DGKB: variants seen among roughly 807,000 people sequenced by gnomAD.
The protein encoded by DGKB is diacylglycerol kinase beta.
Under a neutral mutation model 114.3 loss-of-function variants are expected in DGKB, and 67 were observed. The observed-to-expected ratio is 0.59, with a 90% CI of 0.48 to 0.72. The LOEUF (loss-of-function observed/expected upper bound fraction) is 0.72, where lower values mean the gene tolerates loss of function less well. DGKB is among the 30% of genes least tolerant of loss of function. DGKB has a pLI of 0.00. For missense variants in DGKB, 907 were observed against 975.2 expected, an observed-to-expected ratio of 0.93 and a Z score of 0.93; for synonymous variants, 398 against 323.1, an observed-to-expected ratio of 1.23 and a Z score of -2.49.
chr7:14,653,774 G>T (rs1815168633), intron 13 of DGKB, among the ~76,000 whole-genome samples: 1 of 151,866 alleles, frequency 6.6e-6, no homozygotes, highest in Non-Finnish European at 1.5e-5. Flanking sequence ...AAAGGAAAAA[G>T]TCTTACGATC....
chr7:14,275,870 T>C (rs889905428), intron 23 of DGKB, among the ~76,000 whole-genome samples: 22 of 152,348 alleles, frequency 1.4e-4, no homozygotes, highest in African/African-American at 4.8e-4. Flanking sequence ...CAGAATAAGC[T>C]GTCATTTAGT....
chr7:14,807,042 C>A (rs1842866637), intron 2 of DGKB, among the ~76,000 whole-genome samples: 1 of 151,440 alleles, frequency 6.6e-6, no homozygotes, highest in Non-Finnish European at 1.5e-5. Context: ...CAAGGAAGTT[C>A]TTGGAGAAAA....
chr7:14,539,856 C>T (rs1793131936), intron 20 of DGKB, among the ~76,000 whole-genome samples: 1 of 152,098 alleles, frequency 6.6e-6, no homozygotes, highest in African/African-American at 2.4e-5. Context: ...GTAACCACTT[C>T]AGGGTATAAT....
intron 2 of DGKB, among the ~76,000 whole-genome samples, chr7:14,827,816 A>T (rs1397017542): frequency 6.6e-6 from 1 of 152,094 alleles, no homozygotes; most frequent in Non-Finnish European, 1.5e-5. Context: ...CTTCTGCTAC[A>T]TGTCACTAGG....
intron 23 of DGKB, among the ~76,000 whole-genome samples, chr7:14,201,806 A>G (rs1785935215): frequency 6.6e-6 from 1 of 151,970 alleles, no homozygotes; most frequent in Admixed American, 6.6e-5. Context: ...AATAAGAATC[A>G]TATATCATGT....
At chr7:14,824,368 C>T (rs1319778487) in intron 2 of DGKB, among the ~76,000 whole-genome samples, 2 of 151,954 alleles carry the variant, frequency 1.3e-5, no homozygotes, top group East Asian at 1.9e-4. Context: ...TTTGTTCTGT[C>T]TGGCTTTAGA....
intron 21 of DGKB, 86 bp from the exon 22 acceptor site, chr7:14,345,477 A>G (rs1410634662): frequency 4.4e-6 from 3 of 677,068 alleles, no homozygotes; most frequent in Non-Finnish European, 7.5e-6. Flanking sequence ...GTCTTGTGTT[A>G]TAATAGAAAA....
chr7:14,172,783 GT>G (rs1179137768), intron 25 of DGKB, among the ~76,000 whole-genome samples: 1 of 152,074 alleles, frequency 6.6e-6, no homozygotes, highest in African/African-American at 2.4e-5. Context: ...AGGGGTGCTG[GT>G]TGTACAGATA....
intron 23 of DGKB, among the ~76,000 whole-genome samples, chr7:14,301,700 C>T (rs754809778): frequency 6.6e-6 from 1 of 152,104 alleles, no homozygotes. Context: ...TACACACACA[C>T]ACATACACAC....
chr7:14,711,621 T>C (rs1827362125), intron 6 of DGKB, among the ~76,000 whole-genome samples: 1 of 152,168 alleles, frequency 6.6e-6, no homozygotes. Context: ...CACATGTATA[T>C]TGACTTAGAG....
At chr7:14,297,828 C>T (rs796394111) in intron 23 of DGKB, among the ~76,000 whole-genome samples, 17 of 152,254 alleles carry the variant, frequency 1.1e-4, no homozygotes, top group African/African-American at 4.1e-4. Flanking sequence ...CCCCAAATCT[C>T]CTTAAGCTGA....
intron 23 of DGKB, chr7:14,209,398 A>G (rs1787383248): frequency 6.4e-6 from 3 of 468,532 alleles, no homozygotes; most frequent in African/African-American, 4.0e-5. Flanking sequence ...TAAAAACAAG[A>G]TCAAAACATT....
intron 20 of DGKB, among the ~76,000 whole-genome samples, chr7:14,503,431 T>G (rs74743971): frequency 2.5e-4 from 38 of 152,286 alleles, no homozygotes; most frequent in Non-Finnish European, 4.9e-4. Flanking sequence ...TTCTATTACC[T>G]TATTTTTTAC....
intron 24 of DGKB, among the ~76,000 whole-genome samples, chr7:14,177,260 C>T (rs554597397): frequency 6.6e-6 from 1 of 152,116 alleles, no homozygotes; most frequent in Non-Finnish European, 1.5e-5. Flanking sequence ...TCTCCCAGTT[C>T]TTCTAGCACC....
At chr7:14,681,977 T>C (rs1287846001) in intron 12 of DGKB, among the ~76,000 whole-genome samples, 8 of 152,238 alleles carry the variant, frequency 5.3e-5, no homozygotes, top group Middle Eastern at 3.4e-3. Flanking sequence ...GATGAATTTT[T>C]AGATGCATCA....
intron 2 of DGKB, among the ~76,000 whole-genome samples, chr7:14,770,706 C>T (rs1289969865): frequency 6.6e-6 from 1 of 152,074 alleles, no homozygotes; most frequent in African/African-American, 2.4e-5. Flanking sequence ...TTTATGCCTC[C>T]TAGCACCACT....
At chr7:14,430,993 A>G (rs958175618) in intron 21 of DGKB, among the ~76,000 whole-genome samples, 6 of 151,940 alleles carry the variant, frequency 3.9e-5, no homozygotes, top group Non-Finnish European at 8.8e-5. Context: ...CTGAAGTATC[A>G]TTTTCCTGTG....
intron 21 of DGKB, among the ~76,000 whole-genome samples, chr7:14,474,551 C>G (rs185682659): frequency 6.6e-6 from 1 of 152,180 alleles, no homozygotes; most frequent in Non-Finnish European, 1.5e-5. Flanking sequence ...GAATTCCACA[C>G]TGCTTTGCAT....
chr7:14,742,414 C>A (rs535179923), intron 4 of DGKB, among the ~76,000 whole-genome samples: 4 of 152,142 alleles, frequency 2.6e-5, no homozygotes, highest in Admixed American at 6.5e-5. Context: ...AAAATACAAG[C>A]TGTAGTAACT....
Sources: allele counts gnomAD v4.1 joint callset (sites outside exome capture counted in the v4.1 genomes callset), GRCh38; gene constraint gnomAD v4.1.1; transcripts MANE v1.5; gene names NCBI Gene and HGNC (gene_info 2026-07-23, HGNC 2026-07-21).